The following CEP112 variants were observed in gnomAD, a reference collection of about 807,000 sequenced individuals.
The protein encoded by CEP112 is centrosomal protein 112.
Under a neutral mutation model 153.0 loss-of-function variants are expected in CEP112, and 127 were observed. The ratio of observed to expected loss-of-function variants is 0.83; its 90% CI spans 0.72 to 0.96. The LOEUF is 0.96. CEP112 is among the 40% of genes least tolerant of loss of function. CEP112 has a pLI of 0.00. For missense variants in CEP112, 1,089 were observed against 1,101.2 expected (o/e 0.99, Z 0.16); for synonymous variants, 358 against 374.4 (o/e 0.96, Z 0.51).
In CEP112 at chr17:65,987,820, C is replaced by A. The variant is rs139641580; in HGVS notation, c.1736+17870G>T. Among the ~76,000 whole-genome samples, 285 of 152,254 alleles carry A rather than the reference C, an allele frequency of 1.9e-3. 1 individual carries two copies. Among genetic ancestry groups the A allele is most frequent in the African/African-American group, 6.4e-3 (265 of 41,560 alleles). ...TGCCCAGGCATACAGAAAATTTCCC[C>A]TCGACCCAGAGTTTCCACACTAGAA... On this transcript the variant is annotated intron_variant, in intron 17 of 26. Transcript: ENST00000535342.
intron 4 of CEP112, among the ~76,000 whole-genome samples, chr17:66,147,356 T>C (rs1338943786): frequency 6.6e-6 from 1 of 152,124 alleles, no homozygotes; most frequent in Admixed American, 6.6e-5. Flanking sequence ...TTTTTTTTAT[T>C]GTTGTTGAGA....
chr17:65,776,799 C>A (rs895230087), intron 21 of CEP112, among the ~76,000 whole-genome samples: 2 of 152,130 alleles, frequency 1.3e-5, no homozygotes, highest in African/African-American at 4.8e-5. Flanking sequence ...TGTCACAGTG[C>A]TTTCCAGAGA....
intron 17 of CEP112, among the ~76,000 whole-genome samples, chr17:66,000,036 T>A (rs2063955000): frequency 6.6e-6 from 1 of 152,212 alleles, no homozygotes; most frequent in South Asian, 2.1e-4. Context: ...AACTTACATG[T>A]GCATGTGTCT....
rs747993938 is a variant in CEP112, at chr17:66,029,878, ACTT to A, written c.1361_1363del (p.Glu454del). 6.2e-7 allele frequency: 1 copy of A among 1,613,260 alleles called. No homozygotes were observed. Among genetic ancestry groups the A allele is most frequent in the Non-Finnish European group, 8.5e-7 (1 of 1,179,442 alleles). On this transcript the variant is annotated inframe_deletion, in exon 13 of 27. Coordinates refer to ENST00000535342, the MANE Select transcript of CEP112 (RefSeq NM_001199165.4). Reference sequence around the variant, plus strand: ...TGATTTCAGACAATACCTTGCCTTTACTTCTTGTAATTCACTACACGTTATCTG... The same window carrying A: ...TGATTTCAGACAATACCTTGCCTTTACTTGTAATTCACTACACGTTATCTG...
intron 23 of CEP112, among the ~76,000 whole-genome samples, chr17:65,721,524 C>T (rs755096736): frequency 6.6e-5 from 10 of 152,306 alleles, no homozygotes; most frequent in Non-Finnish European, 8.8e-5. Flanking sequence ...ATAAAGAATG[C>T]TGCTGTATTG....
At chr17:65,834,024 T>C (rs1368764360) in intron 21 of CEP112, among the ~76,000 whole-genome samples, 1 of 151,984 alleles carries the variant, frequency 6.6e-6, no homozygotes, top group Non-Finnish European at 1.5e-5. Context: ...TGAAACAGTA[T>C]AGAAAGCCCA....
intron 21 of CEP112, among the ~76,000 whole-genome samples, chr17:65,814,085 A>C (rs1039145652): frequency 6.6e-6 from 1 of 152,180 alleles, no homozygotes; most frequent in Admixed American, 6.6e-5. Flanking sequence ...AGATGAGAAG[A>C]CATGAAAAGT....
intron 2 of CEP112, among the ~76,000 whole-genome samples, chr17:66,179,671 C>T (rs1259694627): frequency 6.6e-6 from 1 of 152,078 alleles, no homozygotes; most frequent in Non-Finnish European, 1.5e-5. Flanking sequence ...AATTTCGATG[C>T]CCTTTATTTC....
intron 21 of CEP112, among the ~76,000 whole-genome samples, chr17:65,819,956 T>C (rs772984828): frequency 2.6e-5 from 4 of 152,074 alleles, no homozygotes; most frequent in Non-Finnish European, 4.4e-5. Flanking sequence ...ATTTAATAGA[T>C]TGTGCCACTG....
At chr17:65,738,905 A>AT (rs1242471026) in intron 23 of CEP112, among the ~76,000 whole-genome samples, 1 of 151,984 alleles carries the variant, frequency 6.6e-6, no homozygotes, top group Non-Finnish European at 1.5e-5. Flanking sequence ...TCCTCCCACT[A>AT]TTTCTCCTCT....
intron 17 of CEP112, among the ~76,000 whole-genome samples, chr17:65,989,547 A>C (rs1288424604): frequency 1.3e-5 from 2 of 152,092 alleles, no homozygotes; most frequent in Non-Finnish European, 2.9e-5. Context: ...AGGGGAAATA[A>C]AGTCTTTCCC....
intron 6 of CEP112, among the ~76,000 whole-genome samples, chr17:66,103,207 G>A (rs1465056155): frequency 4.0e-5 from 6 of 148,896 alleles, no homozygotes; most frequent in African/African-American, 9.9e-5. Flanking sequence ...GAATAAGAGC[G>A]AAATTCCATC....
intron 21 of CEP112, among the ~76,000 whole-genome samples, chr17:65,801,997 C>T (rs1265977640): frequency 2.6e-5 from 4 of 152,076 alleles, no homozygotes; most frequent in Admixed American, 6.5e-5. Context: ...TCTTCCTTCC[C>T]CCAGGGTTTG....
chr17:65,932,598 G>A (rs185062215), intron 18 of CEP112, among the ~76,000 whole-genome samples: 25 of 152,290 alleles, frequency 1.6e-4, no homozygotes, highest in Admixed American at 1.2e-3. Flanking sequence ...GCTACCGTCT[G>A]TTCAGCTTCT....
At chr17:65,746,766 T>A (rs1784625938) in intron 22 of CEP112, among the ~76,000 whole-genome samples, 1 of 152,100 alleles carries the variant, frequency 6.6e-6, no homozygotes, top group Non-Finnish European at 1.5e-5. Context: ...TAAAAGTTTC[T>A]AAGAAAAATG....
intron 19 of CEP112, among the ~76,000 whole-genome samples, chr17:65,914,572 G>A (rs2060405219): frequency 6.6e-6 from 1 of 151,996 alleles, no homozygotes; most frequent in African/African-American, 2.4e-5. Context: ...CCTTACCTAT[G>A]GCTTGAACGC....
intron 23 of CEP112, among the ~76,000 whole-genome samples, chr17:65,728,628 T>C (rs1457648015): frequency 6.6e-6 from 1 of 152,198 alleles, no homozygotes; most frequent in Non-Finnish European, 1.5e-5. Flanking sequence ...TAATTGCCTA[T>C]AGTACAGCAT....
chr17:65,891,527 C>T (rs756775551), intron 20 of CEP112, among the ~76,000 whole-genome samples: 16 of 152,150 alleles, frequency 1.1e-4, no homozygotes, highest in Admixed American at 2.0e-4. Context: ...ACTTCTTCTT[C>T]CCCTCATTCC....
intron 4 of CEP112, among the ~76,000 whole-genome samples, chr17:66,159,599 C>A (rs956995474): frequency 2.6e-5 from 4 of 152,082 alleles, no homozygotes; most frequent in Admixed American, 1.3e-4. Context: ...ATGACAAAAA[C>A]CACATGATTA....
Sources: gnomAD v4.1 joint callset for allele counts (sites outside exome capture counted in the v4.1 genomes callset) on GRCh38, gnomAD v4.1.1 for gene constraint, MANE v1.5 for transcripts, NCBI Gene and HGNC (gene_info 2026-07-23, HGNC 2026-07-21) for gene names.